FER: variants seen among roughly 807,000 people sequenced by gnomAD.
The protein encoded by FER is tyrosine-protein kinase Fer.
In FER, 63 loss-of-function variants were observed where a neutral mutation model predicts 111.0. That is an observed-to-expected ratio of 0.57 (90% confidence interval 0.46 to 0.70). The LOEUF is 0.70. Ranked by LOEUF, FER falls within the 30% of genes least tolerant of loss-of-function variation. The pLI is 0.00. For synonymous variants in FER, 327 were observed against 313.9 expected (o/e 1.04, Z -0.44); for missense variants, 914 against 954.0 (o/e 0.96, Z 0.55).
At chr5:109,109,194 C>A (rs1483168103) in intron 17 of FER, among the ~76,000 whole-genome samples, 2 of 152,104 alleles carry the variant, frequency 1.3e-5, no homozygotes. Context: ...TTTAGACCTC[C>A]CCTCCTCCCC....
chr5:109,059,291 G>C (rs1178231448), intron 16 of FER, among the ~76,000 whole-genome samples: 1 of 151,616 alleles, frequency 6.6e-6, no homozygotes, highest in Non-Finnish European at 1.5e-5. Context: ...AAATAGACTT[G>C]GTTAGCTTTT....
chr5:109,151,687 G>C (rs895555068), intron 17 of FER, among the ~76,000 whole-genome samples: 20 of 152,094 alleles, frequency 1.3e-4, no homozygotes, highest in Non-Finnish European at 2.8e-4. Flanking sequence ...AAGACCTGCG[G>C]TCAAAGCATA....
At chr5:109,100,254 C>T (rs1429792274) in intron 16 of FER, 142 bp from the exon 17 acceptor site, 3 of 836,416 alleles carry the variant, frequency 3.6e-6, no homozygotes, top group African/African-American at 3.4e-5. Context: ...CTGTTATCCT[C>T]ACGTCAAACA....
rs977993729 is a variant in FER at position 109,181,156 on chromosome 5, C to CA, written c.2203+264dup. Reference sequence around the variant, plus strand: ...TACATCTGAGAAAGAGTTTTTATACCAAAAAAAAATGACTTTGTAATAGAT... The same window carrying CA: ...TACATCTGAGAAAGAGTTTTTATACCAAAAAAAAAATGACTTTGTAATAGAT... On this transcript the variant is annotated intron_variant, in intron 18 of 19. Coordinates refer to ENST00000281092, the MANE Select transcript of FER (RefSeq NM_005246.4). Among the ~76,000 whole-genome samples the CA allele has an allele frequency of 2.4e-3, 355 of 149,164 alleles. 1 individual carries two copies. Among genetic ancestry groups the CA allele is most frequent in the African/African-American group, 7.6e-3 (311 of 40,722 alleles).
intron 2 of FER, 129 bp from the exon 3 acceptor site, chr5:108,797,995 C>G: frequency 2.0e-6 from 1 of 506,936 alleles, no homozygotes; most frequent in Non-Finnish European, 3.5e-6. Flanking sequence ...TGTTTCTGAT[C>G]TTTGGAAGAA....
chr5:109,173,861 GA>G (rs1384848667), intron 17 of FER, among the ~76,000 whole-genome samples: 1 of 151,468 alleles, frequency 6.6e-6, no homozygotes, highest in African/African-American at 2.4e-5. Context: ...GATCCTTCAA[GA>G]ATAAGCAGTC....
intron 10 of FER, among the ~76,000 whole-genome samples, chr5:108,920,116 A>C (rs1245550616): frequency 2.6e-5 from 4 of 152,150 alleles, no homozygotes; most frequent in Non-Finnish European, 5.9e-5. Context: ...TGAAGGTAAG[A>C]AATTACCAGC....
chr5:108,969,910 A>C (rs990467834), intron 13 of FER, among the ~76,000 whole-genome samples: 1 of 148,252 alleles, frequency 6.7e-6, no homozygotes, highest in South Asian at 2.1e-4. Context: ...GTGGAGTAGT[A>C]ATGGGTGATT....
intron 13 of FER, among the ~76,000 whole-genome samples, chr5:109,026,154 C>T (rs1768703081): frequency 6.6e-6 from 1 of 152,050 alleles, no homozygotes; most frequent in South Asian, 2.1e-4. Context: ...ATTACATAGA[C>T]ATACATTAAA....
At chr5:108,850,988 C>T (rs905446329) in intron 5 of FER, among the ~76,000 whole-genome samples, 1 of 152,134 alleles carries the variant, frequency 6.6e-6, no homozygotes, top group African/African-American at 2.4e-5. Context: ...AAGACCAAAA[C>T]ACATTAACCT....
chr5:108,910,141 A>T (rs1359287581), intron 10 of FER, among the ~76,000 whole-genome samples: 2 of 152,168 alleles, frequency 1.3e-5, no homozygotes, highest in African/African-American at 2.4e-5. Context: ...TATGAATAAG[A>T]TATTCATAAT....
At chr5:109,021,868 C>G (rs952188401) in intron 13 of FER, among the ~76,000 whole-genome samples, 2 of 152,004 alleles carry the variant, frequency 1.3e-5, no homozygotes, top group South Asian at 2.1e-4. Context: ...CAAAAAATAC[C>G]TACCGCATGT....
At chr5:109,152,910 A>G (rs1755005773) in intron 17 of FER, among the ~76,000 whole-genome samples, 1 of 151,962 alleles carries the variant, frequency 6.6e-6, no homozygotes, top group Admixed American at 6.6e-5. Context: ...ATTGAGCTTT[A>G]AAAATATTCA....
At chr5:109,049,200 C>T (rs1772405406) in intron 16 of FER, among the ~76,000 whole-genome samples, 1 of 152,142 alleles carries the variant, frequency 6.6e-6, no homozygotes, top group Non-Finnish European at 1.5e-5. Flanking sequence ...TAAAGTGACA[C>T]CCATTTTTTA....
At chr5:109,030,716 G>C (rs1393971962) in intron 13 of FER, among the ~76,000 whole-genome samples, 1 of 152,166 alleles carries the variant, frequency 6.6e-6, no homozygotes, top group Non-Finnish European at 1.5e-5. Context: ...CTGAGGAACA[G>C]AGTACTTCCT....
rs1299249677 is a variant in FER, at chr5:109,187,779, G to A, written c.*204G>A. 3.4e-6 allele frequency: 2 copies of A among 593,390 alleles called. No homozygotes were observed. Among genetic ancestry groups the A allele is most frequent in the Non-Finnish European group, 5.8e-6 (2 of 345,246 alleles). The allele number at this position is 593,390 out of a possible 1,614,324, so 36.8% of individuals were successfully genotyped here. ...TAAAGAAATAGGCAGTCCTACCAAG[G>A]GCTTTCTTAGCTAACCATAGCAATC... On this transcript the variant is annotated 3_prime_UTR_variant, in exon 20 of 20. Coordinates refer to ENST00000281092, the MANE Select transcript of FER (RefSeq NM_005246.4).
At chr5:109,007,537 T>C (rs1042475588) in intron 13 of FER, among the ~76,000 whole-genome samples, 3 of 152,202 alleles carry the variant, frequency 2.0e-5, no homozygotes, top group Admixed American at 6.5e-5. Flanking sequence ...ATGTGCTCTT[T>C]TCAATTTGAC....
chr5:109,113,034 G>T (rs1379943375), intron 17 of FER, among the ~76,000 whole-genome samples: 2 of 152,080 alleles, frequency 1.3e-5, no homozygotes, highest in Non-Finnish European at 2.9e-5. Context: ...CTTTTCCAAT[G>T]CAAGAAAAAG....
chr5:108,951,240 G>GA (rs1468417752), intron 11 of FER, among the ~76,000 whole-genome samples: 18 of 152,006 alleles, frequency 1.2e-4, no homozygotes, highest in African/African-American at 3.6e-4. Flanking sequence ...CTCCAGCCTG[G>GA]GTGACAGAGC....
Sources: allele counts gnomAD v4.1 joint callset (sites outside exome capture counted in the v4.1 genomes callset), GRCh38; gene constraint gnomAD v4.1.1; transcripts MANE v1.5; gene names NCBI Gene and HGNC (gene_info 2026-07-23, HGNC 2026-07-21).